The following GPHN variants were observed in gnomAD, a reference collection of about 807,000 sequenced individuals.
GPHN encodes the protein gephyrin.
In GPHN, 17 loss-of-function variants were observed where a neutral mutation model predicts 95.5. That is an observed-to-expected ratio of 0.18 (90% confidence interval 0.12 to 0.27). The LOEUF (loss-of-function observed/expected upper bound fraction) is 0.27. Among genes scored for constraint, GPHN ranks in the 10% least tolerant of loss-of-function variants. The pLI, the probability that GPHN is intolerant of heterozygous loss-of-function variation, is 1.00. For synonymous variants in GPHN, 320 were observed against 322.5 expected, an observed-to-expected ratio of 0.99 and a Z score of 0.08; for missense variants, 660 against 978.1, an observed-to-expected ratio of 0.67 and a Z score of 4.34.
At chr14:67,103,983 T>G (rs1247715527) in intron 13 of GPHN, among the ~76,000 whole-genome samples, 1 of 152,182 alleles carries the variant, frequency 6.6e-6, no homozygotes, top group Non-Finnish European at 1.5e-5. Context: ...TCTTCCACAT[T>G]CAGTATGATG....
At chr14:67,577,096 C>T in the GPHN span, among the ~76,000 whole-genome samples, 9 of 152,192 alleles carry the variant, frequency 5.9e-5, no homozygotes, top group African/African-American at 9.7e-5. Flanking sequence ...TGCCATTCCA[C>T]GAGAAAGGCC....
At chr14:66,792,305 C>A (rs771347310) in intron 3 of GPHN, among the ~76,000 whole-genome samples, 1 of 151,948 alleles carries the variant, frequency 6.6e-6, no homozygotes, top group Non-Finnish European at 1.5e-5. Flanking sequence ...GAGTTCAAGA[C>A]CAGCCTGGGC....
the GPHN span, among the ~76,000 whole-genome samples, chr14:67,304,819 CT>C: frequency 6.6e-6 from 1 of 152,040 alleles, no homozygotes; most frequent in African/African-American, 2.4e-5. Context: ...AAAAATGAAA[CT>C]TTAAAGTGTT....
intron 22 of GPHN, 21 bp from the exon 23 acceptor site, chr14:67,180,783 A>T (rs772296247): frequency 2.0e-4 from 329 of 1,611,760 alleles, no homozygotes; most frequent in Middle Eastern, 3.4e-4. Context: ...ATGCTGCTGT[A>T]ATAAGAGTAT....
chr14:67,439,545 C>CTTTCTTTA, the GPHN span, among the ~76,000 whole-genome samples: 6 of 137,994 alleles, frequency 4.3e-5, no homozygotes, highest in South Asian at 1.5e-3. Flanking sequence ...TTCTTTCTTT[C>CTTTCTTTA]TTTCTTTCTT....
At chr14:67,379,355 A>G in the GPHN span, among the ~76,000 whole-genome samples, 1 of 152,182 alleles carries the variant, frequency 6.6e-6, no homozygotes, top group Non-Finnish European at 1.5e-5. Context: ...TCACAGTAGT[A>G]TCTTTTGATT....
the GPHN span, among the ~76,000 whole-genome samples, chr14:67,559,205 T>C: frequency 6.6e-6 from 1 of 152,204 alleles, no homozygotes; most frequent in South Asian, 2.1e-4. Context: ...TATTTTTTTG[T>C]TTTTTAACTA....
chr14:67,459,778 G>T, the GPHN span, among the ~76,000 whole-genome samples: 519 of 152,308 alleles, frequency 3.4e-3, 4 homozygotes, highest in African/African-American at 0.012. Flanking sequence ...CAATTATATC[G>T]TTGAAGTGCC....
the GPHN span, among the ~76,000 whole-genome samples, chr14:67,188,046 T>G: frequency 6.6e-6 from 1 of 152,218 alleles, no homozygotes; most frequent in African/African-American, 2.4e-5. Context: ...CAAAAGAATG[T>G]ACCTTGCATT....
intron 18 of GPHN, among the ~76,000 whole-genome samples, chr14:67,144,236 TA>T (rs1216565518): frequency 0.051 from 2,735 of 54,056 alleles, 160 homozygotes; most frequent in Middle Eastern, 0.12. Context: ...GACCCTGTCT[TA>T]AAAAAAAAAA....
At chr14:66,600,600 C>A (rs926614670) in intron 1 of GPHN, among the ~76,000 whole-genome samples, 3 of 151,980 alleles carry the variant, frequency 2.0e-5, no homozygotes, top group African/African-American at 7.2e-5. Context: ...GAACTCATGT[C>A]CCACAGCAGT....
chr14:66,865,858 A>G (rs1292758067), intron 4 of GPHN, among the ~76,000 whole-genome samples: 1 of 152,154 alleles, frequency 6.6e-6, no homozygotes, highest in African/African-American at 2.4e-5. Context: ...TTAATTCTTA[A>G]GTTTGGCTTG....
chr14:67,443,433 A>G, the GPHN span, among the ~76,000 whole-genome samples: 1 of 152,274 alleles, frequency 6.6e-6, no homozygotes, highest in African/African-American at 2.4e-5. Context: ...CAGGAAAAGA[A>G]AGGAAAGAAG....
At chr14:67,038,282 G>A (rs1417490439) in intron 10 of GPHN, among the ~76,000 whole-genome samples, 2 of 152,090 alleles carry the variant, frequency 1.3e-5, no homozygotes. Flanking sequence ...AATGGTGGTT[G>A]CCAGGGGCTG....
intron 4 of GPHN, among the ~76,000 whole-genome samples, chr14:66,860,539 T>C (rs1361533882): frequency 6.6e-6 from 1 of 151,790 alleles, no homozygotes; most frequent in Non-Finnish European, 1.5e-5. Flanking sequence ...ATAAAAAATA[T>C]CATCTGACAG....
chr14:67,409,366 G>T, the GPHN span, among the ~76,000 whole-genome samples: 1 of 152,182 alleles, frequency 6.6e-6, no homozygotes, highest in African/African-American at 2.4e-5. Context: ...AACAGAGTGA[G>T]ACCTCATCTC....
At chr14:66,794,632 G>GA (rs1235881869) in intron 3 of GPHN, among the ~76,000 whole-genome samples, 2 of 152,096 alleles carry the variant, frequency 1.3e-5, no homozygotes, top group Non-Finnish European at 2.9e-5. Flanking sequence ...AGTTAATGTA[G>GA]AAAAAACAGA....
At chr14:67,131,496 G>A (rs1357808725) in intron 17 of GPHN, among the ~76,000 whole-genome samples, 1 of 151,998 alleles carries the variant, frequency 6.6e-6, no homozygotes, top group Non-Finnish European at 1.5e-5. Context: ...ATCTTACAGG[G>A]CCCCTTCAAA....
At chr14:67,530,876 C>T in the GPHN span, among the ~76,000 whole-genome samples, 3 of 152,164 alleles carry the variant, frequency 2.0e-5, no homozygotes, top group Non-Finnish European at 4.4e-5. Flanking sequence ...ATCCCACCTG[C>T]AGGAGATTAC....
Sources: gnomAD v4.1 joint callset for allele counts (sites outside exome capture counted in the v4.1 genomes callset) on GRCh38, gnomAD v4.1.1 for gene constraint, MANE v1.5 for transcripts, NCBI Gene and HGNC (gene_info 2026-07-23, HGNC 2026-07-21) for gene names.